The following KCNK9 variants were observed in gnomAD, a reference collection of about 807,000 sequenced individuals.
KCNK9 encodes the protein potassium two pore domain channel subfamily K member 9, also known as potassium channel subfamily K member 9.
Under a neutral mutation model 10.8 loss-of-function variants are expected in KCNK9, and 1 was observed. The observed-to-expected ratio is 0.09, with a 90% CI of 0.03 to 0.44. The LOEUF is 0.44. Ranked by LOEUF, KCNK9 falls within the 20% of genes least tolerant of loss-of-function variation. The pLI, the probability that KCNK9 is intolerant of heterozygous loss-of-function variation, is 0.97. For synonymous variants in KCNK9, 231 were observed against 222.7 expected (o/e 1.04, Z -0.33); for missense variants, 303 against 515.0 (o/e 0.59, Z 3.98).
At chr8:139,698,847 G>A (rs1461671974) in intron 1 of KCNK9, among the ~76,000 whole-genome samples, 1 of 152,200 alleles carries the variant, frequency 6.6e-6, no homozygotes, top group Non-Finnish European at 1.5e-5. Context: ...AGAAAAGGAA[G>A]CTATCTCAAG....
intron 1 of KCNK9, among the ~76,000 whole-genome samples, chr8:139,673,362 G>A (rs550706436): frequency 1.3e-5 from 2 of 152,362 alleles, no homozygotes; most frequent in East Asian, 1.9e-4. Flanking sequence ...CTATGTGAAC[G>A]AAATCTCAAT....
At chr8:139,636,157 T>C (rs928766528) in intron 1 of KCNK9, among the ~76,000 whole-genome samples, 1 of 152,256 alleles carries the variant, frequency 6.6e-6, no homozygotes, top group Non-Finnish European at 1.5e-5. Flanking sequence ...CCAGCCTTTA[T>C]TGGCCCAGCA....
chr8:139,671,419 C>T (rs1047416134), intron 1 of KCNK9, among the ~76,000 whole-genome samples: 1 of 152,208 alleles, frequency 6.6e-6, no homozygotes, highest in African/African-American at 2.4e-5. Context: ...GAACTCCCAC[C>T]AGCAAGAGGC....
intron 2 of KCNK9, among the ~76,000 whole-genome samples, chr8:139,604,190 C>A (rs1350826189): frequency 6.6e-6 from 1 of 152,210 alleles, no homozygotes; most frequent in Non-Finnish European, 1.5e-5. Context: ...TCAGGGAAGG[C>A]TGAAGGACTA....
intron 1 of KCNK9, among the ~76,000 whole-genome samples, chr8:139,656,966 G>A (rs977608969): frequency 6.6e-6 from 1 of 152,100 alleles, no homozygotes; most frequent in African/African-American, 2.4e-5. Flanking sequence ...TCACCCCCCT[G>A]CAGCCCCTTG....
chr8:139,663,765 C>T (rs1373196562), intron 1 of KCNK9, among the ~76,000 whole-genome samples: 1 of 151,982 alleles, frequency 6.6e-6, no homozygotes, highest in Non-Finnish European at 1.5e-5. Context: ...CCTGAGAGAC[C>T]TCGAGGAAGC....
intron 1 of KCNK9, among the ~76,000 whole-genome samples, chr8:139,654,719 C>A (rs1416137348): frequency 2.0e-5 from 3 of 152,218 alleles, no homozygotes; most frequent in Admixed American, 1.3e-4. Flanking sequence ...GCATTACATG[C>A]CACACTGGTT....
intron 1 of KCNK9, among the ~76,000 whole-genome samples, chr8:139,625,907 G>C (rs1814958124): frequency 6.6e-6 from 1 of 152,132 alleles, no homozygotes; most frequent in Non-Finnish European, 1.5e-5. Flanking sequence ...AGATTTCCCA[G>C]AAGTCATGGC....
At chr8:139,650,884 A>G (rs1483540924) in intron 1 of KCNK9, among the ~76,000 whole-genome samples, 1 of 151,968 alleles carries the variant, frequency 6.6e-6, no homozygotes, top group Non-Finnish European at 1.5e-5. Flanking sequence ...GCCCCTTGAC[A>G]CCCCCGGAAG....
At chr8:139,651,614 G>GT (rs1815867834) in intron 1 of KCNK9, among the ~76,000 whole-genome samples, 1 of 152,202 alleles carries the variant, frequency 6.6e-6, no homozygotes, top group South Asian at 2.1e-4. Flanking sequence ...TGGACCTTCT[G>GT]TAGCGGATGG....
chr8:139,620,851 A>G (rs1814755161), intron 1 of KCNK9, among the ~76,000 whole-genome samples: 2 of 152,236 alleles, frequency 1.3e-5, no homozygotes, highest in South Asian at 4.1e-4. Flanking sequence ...AGATATATCA[A>G]TTGAAATTAT....
At chr8:139,695,853 G>T (rs1216498507) in intron 1 of KCNK9, among the ~76,000 whole-genome samples, 1 of 152,110 alleles carries the variant, frequency 6.6e-6, no homozygotes, top group African/African-American at 2.4e-5. Context: ...TAGGAGGCTG[G>T]TGTATACACA....
At chr8:139,604,211 A>G (rs953628467) in intron 2 of KCNK9, among the ~76,000 whole-genome samples, 5 of 152,206 alleles carry the variant, frequency 3.3e-5, no homozygotes, top group Non-Finnish European at 7.3e-5. Flanking sequence ...TTGTCTGCAG[A>G]TATGGCTCTA....
chr8:139,697,992 C>T (rs748505787), intron 1 of KCNK9, among the ~76,000 whole-genome samples: 16 of 152,190 alleles, frequency 1.1e-4, no homozygotes, highest in Non-Finnish European at 2.2e-4. Flanking sequence ...GGGCCCACCC[C>T]ATGGCGCCCT....
rs561779687 is a variant in KCNK9, at chr8:139,649,548, G to A, written c.284-30449C>T. Reference sequence around the variant, plus strand: ...CCACCCACCCCTGAGATAGCCACATGCCTGGATGCGGTCTTTCCATGCCCG... The same window carrying A: ...CCACCCACCCCTGAGATAGCCACATACCTGGATGCGGTCTTTCCATGCCCG... On this transcript the variant is annotated intron_variant, in intron 1 of 1. Coordinates refer to ENST00000520439, the MANE Select transcript of KCNK9 (RefSeq NM_001282534.2). Among the ~76,000 whole-genome samples, 5 of 152,246 alleles carry A rather than the reference G, an allele frequency of 3.3e-5. No individual in the cohort carries two copies. The East Asian group carries it at 9.7e-4, about 29-fold the overall frequency.
intron 1 of KCNK9, among the ~76,000 whole-genome samples, chr8:139,698,651 G>A (rs1006857864): frequency 6.6e-6 from 1 of 152,186 alleles, no homozygotes; most frequent in African/African-American, 2.4e-5. Context: ...TCAAGGCCAG[G>A]CCTTATCTTG....
chr8:139,618,084 T>G lies in KCNK9; in HGVS notation c.*174A>C. Reference sequence around the variant, plus strand: ...CTGTATTTCCCTTTGGCCTGCTCTGTCTGGCTGGAAAGGTGGGGGAAAATG... The same window carrying G: ...CTGTATTTCCCTTTGGCCTGCTCTGGCTGGCTGGAAAGGTGGGGGAAAATG... On this transcript the variant is annotated 3_prime_UTR_variant, in exon 2 of 2. Coordinates refer to ENST00000520439, the MANE Select transcript of KCNK9 (RefSeq NM_001282534.2). This position sits in a 1 kb window ranked among gnomAD's most constrained non-coding sequence, Gnocchi z 7.9. 4 of 858,052 alleles carry G rather than the reference T, an allele frequency of 4.7e-6. No homozygotes were observed. The highest frequency in any genetic ancestry group is 1.7e-5 in the South Asian group (1 of 57,728). The allele number at this position is 858,052 out of a possible 1,614,324, so 53.2% of individuals were successfully genotyped here.
At chr8:139,691,611 A>T (rs1158346545) in intron 1 of KCNK9, among the ~76,000 whole-genome samples, 5 of 152,226 alleles carry the variant, frequency 3.3e-5, no homozygotes. Flanking sequence ...AGCCTAAAGA[A>T]AGAAAAAATA....
intron 1 of KCNK9, among the ~76,000 whole-genome samples, chr8:139,700,532 A>ACGCG (rs1563757395): frequency 4.0e-5 from 5 of 124,910 alleles, no homozygotes; most frequent in African/African-American, 1.6e-4. Context: ...ACACACACAC[A>ACGCG]CACACACGCG....
Sources: allele counts gnomAD v4.1 joint callset (sites outside exome capture counted in the v4.1 genomes callset), GRCh38; gene constraint gnomAD v4.1.1; non-coding constraint Gnocchi (gnomAD v3.1); transcripts MANE v1.5; gene names NCBI Gene and HGNC (gene_info 2026-07-23, HGNC 2026-07-21).